EPHA5: variants seen among roughly 807,000 people sequenced by gnomAD.
The protein encoded by EPHA5 is ephrin type-A receptor 5.
In EPHA5, 60 loss-of-function variants were observed where a neutral mutation model predicts 105.0. The observed-to-expected ratio is 0.57, with a 90% CI of 0.46 to 0.71. The LOEUF (loss-of-function observed/expected upper bound fraction) is 0.71. Among genes scored for constraint, EPHA5 ranks in the 30% least tolerant of loss-of-function variants. The pLI is 0.00. For missense variants in EPHA5, 1,218 were observed against 1,274.7 expected (o/e 0.96, Z 0.68); for synonymous variants, 513 against 449.1 (o/e 1.14, Z -1.80).
chr4:65,511,423 G>A (rs1161747860), intron 3 of EPHA5, among the ~76,000 whole-genome samples: 2 of 152,076 alleles, frequency 1.3e-5, no homozygotes, highest in African/African-American at 2.4e-5. Context: ...GTGATGATGA[G>A]TTTTTTTATC....
intron 8 of EPHA5, among the ~76,000 whole-genome samples, chr4:65,384,476 C>G (rs1719892408): frequency 6.6e-6 from 1 of 151,848 alleles, no homozygotes; most frequent in African/African-American, 2.4e-5. Context: ...CAGGATCAAA[C>G]AAAGGAAGCC....
At chr4:65,665,085 TA>T (rs2149558369) in intron 1 of EPHA5, among the ~76,000 whole-genome samples, 1 of 152,074 alleles carries the variant, frequency 6.6e-6, no homozygotes, top group East Asian at 1.9e-4. Context: ...GTTCAGCAAT[TA>T]TTTCTTTGAA....
At chr4:65,352,531 A>C (rs1722910379) in intron 12 of EPHA5, among the ~76,000 whole-genome samples, 1 of 152,012 alleles carries the variant, frequency 6.6e-6, no homozygotes. Context: ...TGATAATATT[A>C]GCTATTGTCA....
At chr4:65,387,208 T>C (rs1357399113) in intron 8 of EPHA5, among the ~76,000 whole-genome samples, 1 of 151,918 alleles carries the variant, frequency 6.6e-6, no homozygotes, top group Admixed American at 6.6e-5. Context: ...TGGTTTATAC[T>C]GAGATGATCC....
rs1577795868 is a variant in EPHA5, at chr4:65,320,953, A to G, written c.*3161T>C. ...CAAGAAATAAAAGATCATGCACATTACAATTTTAAAACATAGGAAAATCAA... is the reference window on the plus strand; with the variant it reads ...CAAGAAATAAAAGATCATGCACATTGCAATTTTAAAACATAGGAAAATCAA... On this transcript the variant is annotated 3_prime_UTR_variant, in exon 17 of 17. Transcript: ENST00000613740. The G allele has an allele frequency of 4.3e-6, 1 of 230,450 alleles. No homozygotes were observed. Among genetic ancestry groups the G allele is most frequent in the Non-Finnish European group, 8.6e-6 (1 of 116,212 alleles). The allele number at this position is 230,450 out of a possible 1,614,324, so 14.3% of individuals were successfully genotyped here.
intron 14 of EPHA5, among the ~76,000 whole-genome samples, chr4:65,342,056 A>G (rs1387909354): frequency 6.6e-6 from 1 of 152,118 alleles, no homozygotes; most frequent in Non-Finnish European, 1.5e-5. Context: ...CCAGAGATTA[A>G]AGAGATCTTA....
chr4:65,349,813 TATA>T (rs1206397291), intron 13 of EPHA5, among the ~76,000 whole-genome samples: 1 of 152,190 alleles, frequency 6.6e-6, no homozygotes, highest in Non-Finnish European at 1.5e-5. Flanking sequence ...ATAGATATTC[TATA>T]ATGTCTTATT....
chr4:65,601,082 A>G (rs1743677564), intron 3 of EPHA5, among the ~76,000 whole-genome samples: 1 of 152,258 alleles, frequency 6.6e-6, no homozygotes, highest in South Asian at 2.1e-4. Context: ...TGTAATTTTT[A>G]AAAAGCAAGC....
At chr4:65,465,461 GA>G (rs1245258500) in intron 5 of EPHA5, among the ~76,000 whole-genome samples, 1 of 65,188 alleles carries the variant, frequency 1.5e-5, no homozygotes, top group Admixed American at 2.0e-4. Flanking sequence ...AGAAAGAAAA[GA>G]AAGAAAAAGA....
At chr4:65,563,428 T>C (rs1394048833) in intron 3 of EPHA5, among the ~76,000 whole-genome samples, 2 of 152,124 alleles carry the variant, frequency 1.3e-5, no homozygotes, top group Non-Finnish European at 2.9e-5. Context: ...AAGTAGCTTC[T>C]GATTCTAACA....
intron 3 of EPHA5, among the ~76,000 whole-genome samples, chr4:65,581,046 A>G (rs1294603076): frequency 1.3e-5 from 2 of 151,828 alleles, no homozygotes; most frequent in Non-Finnish European, 3.0e-5. Flanking sequence ...TATAGAGCTT[A>G]GAAACCTAAT....
At chr4:65,590,439 A>T (rs536166381) in intron 3 of EPHA5, among the ~76,000 whole-genome samples, 1 of 152,286 alleles carries the variant, frequency 6.6e-6, no homozygotes, top group African/African-American at 2.4e-5. Flanking sequence ...ACCAGTTATG[A>T]GATCATGTAT....
At chr4:65,632,338 T>C (rs753115430) in intron 2 of EPHA5, among the ~76,000 whole-genome samples, 10 of 151,976 alleles carry the variant, frequency 6.6e-5, no homozygotes, top group Non-Finnish European at 1.5e-4. Context: ...CTAGGAGACA[T>C]CATTCAAACC....
In EPHA5 at chr4:65,352,183, G is replaced by C. The variant is rs369535870; in HGVS notation, c.2236-585C>G. ...ATAAAGGAATGGCGTGACTCTAAGA[G>C]ACTGGAGTACTTAAAGGTATGGTTA... On this transcript the variant is annotated intron_variant, in intron 12 of 16. Transcript: ENST00000613740. Among the ~76,000 whole-genome samples the C allele has an allele frequency of 1.3e-4, 20 of 152,124 alleles. No individual in the cohort carries two copies. The East Asian group carries it at 2.5e-3, about 19-fold the overall frequency.
intron 3 of EPHA5, among the ~76,000 whole-genome samples, chr4:65,509,337 C>T (rs996851251): frequency 9.9e-5 from 15 of 151,984 alleles, no homozygotes; most frequent in African/African-American, 3.4e-4. Context: ...AACTGTTCGA[C>T]CTGTTTGATA....
At position 65,607,548 on chromosome 4, in the gene EPHA5, AG is replaced by A. The variant is rs1206597030; in HGVS notation, c.247-5245del. Among the ~76,000 whole-genome samples the A allele has an allele frequency of 2.0e-5, 3 of 152,224 alleles. No individual in the cohort carries two copies. In the East Asian group the frequency reaches 5.8e-4, roughly 29 times the overall value. ...ATACGAACAGACACTTCTCAAAAGA[AG>A]ACATTTATGCAGCCAACAAATATGC... On this transcript the variant is annotated intron_variant, in intron 2 of 16. Coordinates refer to ENST00000613740, the MANE Select transcript of EPHA5 (RefSeq NM_001281766.3).
intron 3 of EPHA5, among the ~76,000 whole-genome samples, chr4:65,580,618 A>G (rs1741520049): frequency 6.6e-6 from 1 of 151,758 alleles, no homozygotes; most frequent in Non-Finnish European, 1.5e-5. Context: ...AAATAAAATA[A>G]AATAAAATAA....
intron 5 of EPHA5, among the ~76,000 whole-genome samples, chr4:65,437,964 T>C (rs1271678223): frequency 1.3e-5 from 2 of 152,132 alleles, no homozygotes; most frequent in Middle Eastern, 3.4e-3. Flanking sequence ...AGCCTCATAC[T>C]GCATCCTTTT....
intron 3 of EPHA5, among the ~76,000 whole-genome samples, chr4:65,556,945 T>C (rs997659655): frequency 1.5e-4 from 23 of 151,674 alleles, no homozygotes; most frequent in African/African-American, 5.1e-4. Flanking sequence ...ATGGAATGAG[T>C]TTTCCTTCAC....
Sources: allele counts gnomAD v4.1 joint callset (sites outside exome capture counted in the v4.1 genomes callset), GRCh38; gene constraint gnomAD v4.1.1; transcripts MANE v1.5; gene names NCBI Gene and HGNC (gene_info 2026-07-23, HGNC 2026-07-21).